The following NPAS3 variants were observed in gnomAD, a reference collection of about 807,000 sequenced individuals.
NPAS3 encodes the protein neuronal PAS domain-containing protein 3.
A neutral mutation model predicts 73.1 loss-of-function variants in NPAS3; 14 were observed. The observed-to-expected ratio is 0.19, with a 90% CI of 0.13 to 0.30. NPAS3 has a LOEUF of 0.30. NPAS3 is among the 10% of genes least tolerant of loss of function. NPAS3 has a pLI of 1.00. For synonymous variants in NPAS3, 620 were observed against 541.5 expected (o/e 1.14, Z -2.01); for missense variants, 1,096 against 1,250.0 (o/e 0.88, Z 1.86).
chr14:33,173,419 A>G (rs2045468640), intron 2 of NPAS3, among the ~76,000 whole-genome samples: 1 of 152,192 alleles, frequency 6.6e-6, no homozygotes, highest in Admixed American at 6.5e-5. Context: ...GAACTGTCCT[A>G]TTTGGTTCTG....
chr14:33,745,684 C>T (rs1331983283), intron 7 of NPAS3, among the ~76,000 whole-genome samples: 1 of 152,180 alleles, frequency 6.6e-6, no homozygotes, highest in Non-Finnish European at 1.5e-5. Flanking sequence ...AGTAATTCAT[C>T]AGTAATATTT....
chr14:33,591,704 A>C lies in NPAS3; in HGVS notation c.558+31494A>C, dbSNP rs181944081. Among the ~76,000 whole-genome samples, 533 of 152,272 alleles carry C rather than the reference A, an allele frequency of 3.5e-3. 3 individuals are homozygous for C. The highest frequency in any genetic ancestry group is 0.012 in the African/African-American group (482 of 41,558). On this transcript the variant is annotated intron_variant, in intron 5 of 11. Transcript: ENST00000356141. ...AATTAGGTATGTCCCCCCAAATTTC[A>C]CCTTTGTGTCATCACTGCAGTTTAC...
intron 3 of NPAS3, among the ~76,000 whole-genome samples, chr14:33,356,608 A>T (rs75603610): frequency 0.02 from 3,112 of 152,298 alleles, 48 homozygotes; most frequent in South Asian, 0.039. Context: ...CACTCAGTGA[A>T]TCAGTTGTTC....
intron 2 of NPAS3, among the ~76,000 whole-genome samples, chr14:33,062,368 T>C (rs1333984188): frequency 6.6e-6 from 1 of 152,070 alleles, no homozygotes; most frequent in Non-Finnish European, 1.5e-5. Flanking sequence ...TATTGATAAA[T>C]ATCTTGAAGG....
intron 5 of NPAS3, among the ~76,000 whole-genome samples, chr14:33,593,892 T>C (rs962097599): frequency 1.3e-5 from 2 of 152,152 alleles, no homozygotes; most frequent in African/African-American, 4.8e-5. Context: ...CATGGTTCTC[T>C]CAAAGCTGAC....
intron 3 of NPAS3, among the ~76,000 whole-genome samples, chr14:33,229,110 A>G (rs1566701801): frequency 1.3e-5 from 2 of 152,136 alleles, no homozygotes; most frequent in Admixed American, 6.5e-5. Flanking sequence ...TCAGAAAAGT[A>G]TTTTAAACAG....
intron 5 of NPAS3, among the ~76,000 whole-genome samples, chr14:33,568,567 T>C (rs1007985228): frequency 8.5e-5 from 13 of 152,192 alleles, no homozygotes; most frequent in Non-Finnish European, 1.8e-4. Flanking sequence ...GAATGCAAAC[T>C]GCTCATATGA....
intron 1 of NPAS3, among the ~76,000 whole-genome samples, chr14:32,964,334 T>C (rs983025438): frequency 1.3e-5 from 2 of 152,162 alleles, no homozygotes; most frequent in African/African-American, 4.8e-5. Flanking sequence ...AGAGGTTAAG[T>C]AAATTACCAA....
chr14:33,229,652 A>G (rs2047771863), intron 3 of NPAS3, among the ~76,000 whole-genome samples: 1 of 152,174 alleles, frequency 6.6e-6, no homozygotes, highest in African/African-American at 2.4e-5. Context: ...TGCTAGCTCA[A>G]TGTTTTAGCA....
chr14:32,942,869 C>G (rs1411697424), intron 1 of NPAS3, among the ~76,000 whole-genome samples: 1 of 152,118 alleles, frequency 6.6e-6, no homozygotes, highest in Non-Finnish European at 1.5e-5. Flanking sequence ...GGCCAAGGGT[C>G]TACAAATGGA....
chr14:33,539,839 T>G (rs182173223), intron 4 of NPAS3, among the ~76,000 whole-genome samples: 1 of 152,170 alleles, frequency 6.6e-6, no homozygotes, highest in East Asian at 1.9e-4. Context: ...GTTTGGGGGG[T>G]TTGTCTTTGT....
At chr14:33,677,866 T>C (rs1055627371) in intron 6 of NPAS3, among the ~76,000 whole-genome samples, 1 of 152,226 alleles carries the variant, frequency 6.6e-6, no homozygotes, top group Non-Finnish European at 1.5e-5. Context: ...CTGACTTTAC[T>C]GAGCAGCTAT....
intron 1 of NPAS3, among the ~76,000 whole-genome samples, chr14:32,978,497 G>T (rs889904886): frequency 6.6e-6 from 1 of 152,066 alleles, no homozygotes; most frequent in Non-Finnish European, 1.5e-5. Context: ...GGGTTATGGG[G>T]TTTGTGTATT....
intron 2 of NPAS3, among the ~76,000 whole-genome samples, chr14:33,137,949 G>A (rs2043899325): frequency 6.6e-6 from 1 of 152,060 alleles, no homozygotes; most frequent in Non-Finnish European, 1.5e-5. Context: ...TTATCTGGTA[G>A]GTGTGGAGGG....
At chr14:33,218,903 T>G (rs1318308615) in intron 3 of NPAS3, among the ~76,000 whole-genome samples, 1 of 152,206 alleles carries the variant, frequency 6.6e-6, no homozygotes, top group African/African-American at 2.4e-5. Flanking sequence ...GTATACAGAT[T>G]ATTACAAGTT....
At chr14:33,050,463 C>T (rs2040664548) in intron 1 of NPAS3, among the ~76,000 whole-genome samples, 1 of 152,086 alleles carries the variant, frequency 6.6e-6, no homozygotes, top group East Asian at 1.9e-4. Context: ...GGCTCCTTGT[C>T]CCTCACTGTG....
At chr14:32,937,511 A>G (rs1462864114), upstream of NPAS3, among the ~76,000 whole-genome samples, 2 of 152,096 alleles carry the variant, frequency 1.3e-5, no homozygotes, top group African/African-American at 4.8e-5. Flanking sequence ...TATCTTGTCC[A>G]TAACACTCTC....
At chr14:33,075,591 A>G (rs2041629884) in intron 2 of NPAS3, among the ~76,000 whole-genome samples, 1 of 152,230 alleles carries the variant, frequency 6.6e-6, no homozygotes, top group Non-Finnish European at 1.5e-5. Context: ...AAGTTGCTAG[A>G]ACACATTTTA....
intron 2 of NPAS3, among the ~76,000 whole-genome samples, chr14:33,087,214 T>TGTAC (rs2042065305): frequency 3.7e-5 from 4 of 107,040 alleles, no homozygotes; most frequent in East Asian, 2.0e-4. Flanking sequence ...ATAGTATTAT[T>TGTAC]ATTATTGTAT....
Sources: allele counts gnomAD v4.1 joint callset (sites outside exome capture counted in the v4.1 genomes callset), GRCh38; gene constraint gnomAD v4.1.1; transcripts MANE v1.5; gene names NCBI Gene and HGNC (gene_info 2026-07-23, HGNC 2026-07-21).